HPSE: variants seen among roughly 807,000 people sequenced by gnomAD.
The protein encoded by HPSE is endo-glucoronidase.
Under a neutral mutation model 65.1 loss-of-function variants are expected in HPSE, and 48 were observed. The observed-to-expected ratio is 0.74, with a 90% CI of 0.58 to 0.94. The LOEUF (loss-of-function observed/expected upper bound fraction) is 0.94. Among genes scored for constraint, HPSE ranks in the 40% least tolerant of loss-of-function variants. The pLI, the probability that HPSE is intolerant of heterozygous loss-of-function variation, is 0.00. For missense variants in HPSE, 644 were observed against 637.5 expected (o/e 1.01, Z -0.11); for synonymous variants, 243 against 260.0 (o/e 0.93, Z 0.63).
chr4:83,312,370 T>C (rs1736419506), intron 4 of HPSE, among the ~76,000 whole-genome samples: 1 of 152,220 alleles, frequency 6.6e-6, no homozygotes, highest in Admixed American at 6.5e-5. Context: ...GGCAGAAGTA[T>C]ATTTGCTAAT....
chr4:83,314,104 T>G (rs1736531322), intron 3 of HPSE, among the ~76,000 whole-genome samples: 1 of 151,306 alleles, frequency 6.6e-6, no homozygotes, highest in African/African-American at 2.4e-5. Context: ...AACACAAAAA[T>G]TAGCCGGGCA....
intron 6 of HPSE, 109 bp from the exon 7 acceptor site, chr4:83,309,604 T>TA: frequency 1.5e-6 from 1 of 680,562 alleles, no homozygotes; most frequent in Non-Finnish European, 2.6e-6. Context: ...CACCTGTTAC[T>TA]AAAAAAAGGT....
chr4:83,301,828 T>C (rs1338052979), intron 10 of HPSE, among the ~76,000 whole-genome samples: 1 of 152,138 alleles, frequency 6.6e-6, no homozygotes, highest in African/African-American at 2.4e-5. Flanking sequence ...TCACAACTTT[T>C]GAAAATAATA....
At chr4:83,323,113 C>T (rs1268215452) in intron 1 of HPSE, among the ~76,000 whole-genome samples, 3 of 151,728 alleles carry the variant, frequency 2.0e-5, no homozygotes, top group Middle Eastern at 3.2e-3. Flanking sequence ...ATAGATCGTC[C>T]GAAACTATGG....
intron 6 of HPSE, among the ~76,000 whole-genome samples, chr4:83,309,746 G>C (rs536713710): frequency 6.6e-6 from 1 of 152,230 alleles, no homozygotes; most frequent in African/African-American, 2.4e-5. Flanking sequence ...CTGGGTTACT[G>C]GTTCTTTGGC....
At chr4:83,308,096 ATT>A (rs70946997) in intron 8 of HPSE, among the ~76,000 whole-genome samples, 584 of 145,008 alleles carry the variant, frequency 4.0e-3, no homozygotes, top group East Asian at 6.4e-3. Context: ...TCTAACTTGC[ATT>A]TTTTTTTTTT....
intron 11 of HPSE, among the ~76,000 whole-genome samples, chr4:83,298,481 T>TAA (rs377621352): frequency 1.3e-5 from 2 of 150,776 alleles, no homozygotes; most frequent in African/African-American, 4.9e-5. Flanking sequence ...TATTTTTTTT[T>TAA]AAAAAAAAAC....
chr4:83,300,920 A>T, intron 11 of HPSE, 40 bp downstream of exon 11: 1 of 1,427,852 alleles, frequency 7.0e-7, no homozygotes. Context: ...ACACCAATAA[A>T]TTTATTGAAA....
At chr4:83,322,789 TTGTGTGTGTGTGTGTGTGTGTGTGTG>T (rs386400677) in intron 1 of HPSE, among the ~76,000 whole-genome samples, 4 of 104,004 alleles carry the variant, frequency 3.8e-5, no homozygotes, top group Admixed American at 1.0e-4. Context: ...AAGAGCTTGT[TTGTGTGTGTGTGTGTGTGTGTGTGTG>T]TGTGTGTGTG....
rs1329478137 is a variant in HPSE, at chr4:83,326,230, T to C, written c.228-3866A>G. 6.6e-6 allele frequency among the ~76,000 whole-genome samples: 1 copy of C among 152,170 alleles called. No homozygotes were observed. Among genetic ancestry groups the C allele is most frequent in the Non-Finnish European group, 1.5e-5 (1 of 68,036 alleles). ...AAATAATAGATTTGAGTTTTTAAAA[T>C]AACTTTTTTTAAATGAGACAGGTTT... is the stretch of plus-strand genomic sequence containing the variant. On this transcript the variant is annotated intron_variant, in intron 1 of 11. Transcript: ENST00000311412. The surrounding 1 kb of genome is among the most constrained non-coding windows in gnomAD (Gnocchi z 4.2).
At chr4:83,308,298 C>G (rs1020729415) in intron 8 of HPSE, among the ~76,000 whole-genome samples, 1 of 152,102 alleles carries the variant, frequency 6.6e-6, no homozygotes. Flanking sequence ...CCCAGCTACT[C>G]AGGACGCTGA....
Position 83,306,288 on chromosome 4 carries a change from C to G in HPSE, c.1121G>C (p.Arg374Pro). Residue 374 changes from arginine to proline, a missense_variant, in exon 9 of 12, where the codon CGA becomes CCA. Coordinates refer to ENST00000311412, the MANE Select transcript of HPSE (RefSeq NM_001098540.3). The part of the protein sequence containing the change: ...MWLDKLGLSA[R>P]MGIEVVMRQV... Reference sequence around the variant, plus strand: ...CCTCATCACCACTTCTATTCCCATTCGGGCTGACAGGCCCAATTTATCCAG... The same window carrying G: ...CCTCATCACCACTTCTATTCCCATTGGGGCTGACAGGCCCAATTTATCCAG... The G allele has an allele frequency of 5.0e-6, 8 of 1,613,422 alleles. No homozygotes were observed. Among genetic ancestry groups the G allele is most frequent in the Non-Finnish European group, 6.8e-6 (8 of 1,179,380 alleles).
chr4:83,330,528 C>T lies in HPSE; in HGVS notation c.227+4028G>A, dbSNP rs531182645. On this transcript the variant is annotated intron_variant, in intron 1 of 11. Transcript: ENST00000311412. ...ATGGGGAGTCTGCACCTCTTTCCAA[C>T]ACTGGTTATCAAAACGTGTGTTTAA... 3.7e-4 allele frequency among the ~76,000 whole-genome samples: 56 copies of T among 152,342 alleles called. 1 individual carries two copies. The highest frequency in any genetic ancestry group is 1.3e-3 in the African/African-American group (52 of 41,572).
At position 83,332,714 on chromosome 4, in the gene HPSE, G is replaced by A. The variant is rs72938135; in HGVS notation, c.227+1842C>T. On this transcript the variant is annotated intron_variant, in intron 1 of 11. Coordinates refer to ENST00000311412, the MANE Select transcript of HPSE (RefSeq NM_001098540.3). Reference sequence around the variant, plus strand: ...TTAGGGGGGTGTTAGTCAATTGCGGGGAGCTTGACTGCTGGGTGATCAGGC... The same window carrying A: ...TTAGGGGGGTGTTAGTCAATTGCGGAGAGCTTGACTGCTGGGTGATCAGGC... 9.1e-4 allele frequency among the ~76,000 whole-genome samples: 139 copies of A among 152,316 alleles called. 1 individual carries two copies. Among genetic ancestry groups the A allele is most frequent in the African/African-American group, 3.3e-3 (136 of 41,570 alleles).
At chr4:83,334,998 C>A, upstream of HPSE, 1 of 675,682 alleles carries the variant, frequency 1.5e-6, no homozygotes, top group Non-Finnish European at 2.3e-6. Context: ...GCCCGGCTCT[C>A]TCCTACTTCC....
At position 83,310,730 on chromosome 4, in the gene HPSE, C is replaced by A; in HGVS notation, c.834G>T (p.Met278Ile). The change falls in exon 5 of 12, where the codon ATG becomes ATT. Residue 278 changes from methionine to isoleucine, a missense_variant. Met to Ile is a conservative substitution (Grantham distance 10). Coordinates refer to ENST00000311412, the MANE Select transcript of HPSE (RefSeq NM_001098540.3). ...CATCCTCTAGTTCCTACCTCTTCAG[C>A]ATCTTAGCCGTCTTTCTTCGAGGCT... is the stretch of plus-strand genomic sequence containing the variant. Reference protein sequence around the residue: ...VGQPRRKTAKMLKSFLKAGGE... With the variant: ...VGQPRRKTAKILKSFLKAGGE... The A allele has an allele frequency of 6.2e-7, 1 of 1,610,858 alleles. No individual in the cohort carries two copies. Among genetic ancestry groups the A allele is most frequent in the Non-Finnish European group, 8.5e-7 (1 of 1,178,930 alleles).
At chr4:83,298,646 A>G (rs1735817737) in intron 11 of HPSE, among the ~76,000 whole-genome samples, 1 of 151,962 alleles carries the variant, frequency 6.6e-6, no homozygotes, top group Non-Finnish European at 1.5e-5. Flanking sequence ...TGGGCAACAT[A>G]ATGAGACATC....
In HPSE at chr4:83,302,142, ATACT is replaced by A. The variant is rs748471733; in HGVS notation, c.1325+4_1325+7del. 51 of 1,579,850 alleles carry A rather than the reference ATACT, an allele frequency of 3.2e-5. No homozygotes were observed. Among genetic ancestry groups the A allele is most frequent in the East Asian group, 6.7e-5 (3 of 44,730 alleles). On this transcript the variant is annotated splice_donor_5th_base_variant and intron_variant, in intron 10 of 11. Transcript: ENST00000311412. ...TGATGATTGGTAAAGGGTGTGTTTC[ATACT>A]TACTTGTCAGTGTTTGTGCAATGAA...
At chr4:83,327,487 T>C (rs531764677) in intron 1 of HPSE, among the ~76,000 whole-genome samples, 4 of 152,086 alleles carry the variant, frequency 2.6e-5, no homozygotes, top group Admixed American at 1.3e-4. Flanking sequence ...ATTTCAACCA[T>C]ATACAAGAAA....
Sources: gnomAD v4.1 joint callset for allele counts (sites outside exome capture counted in the v4.1 genomes callset) on GRCh38, gnomAD v4.1.1 for gene constraint, Gnocchi (gnomAD v3.1) non-coding constraint, MANE v1.5 for transcripts, NCBI Gene and HGNC (gene_info 2026-07-23, HGNC 2026-07-21) for gene names.